Variants in HS6ST3 observed in about 807,000 individuals in gnomAD.
HS6ST3 encodes heparan sulfate 6-O-sulfotransferase 3.
HS6ST3 carries 12 observed loss-of-function variants against 36.7 expected under a neutral mutation model. The observed-to-expected ratio is 0.33, with a 90% CI of 0.21 to 0.53. The LOEUF (loss-of-function observed/expected upper bound fraction) is 0.53. Ranked by LOEUF, HS6ST3 falls within the 20% of genes least tolerant of loss-of-function variation. The pLI, the probability that HS6ST3 is intolerant of heterozygous loss-of-function variation, is 0.95. For synonymous variants in HS6ST3, 240 were observed against 257.5 expected, an observed-to-expected ratio of 0.93 and a Z score of 0.65; for missense variants, 584 against 640.9, an observed-to-expected ratio of 0.91 and a Z score of 0.96.
At chr13:96,208,271 C>T (rs73549134) in intron 1 of HS6ST3, among the ~76,000 whole-genome samples, 1 of 152,000 alleles carries the variant, frequency 6.6e-6, no homozygotes, top group Admixed American at 6.6e-5. Flanking sequence ...AAAAATTATT[C>T]TTTTAATGAT....
chr13:96,240,208 C>T (rs1201962106), intron 1 of HS6ST3, among the ~76,000 whole-genome samples: 1 of 152,084 alleles, frequency 6.6e-6, no homozygotes, highest in Non-Finnish European at 1.5e-5. Context: ...AGATAAGATC[C>T]TAGCAGTATA....
intron 1 of HS6ST3, among the ~76,000 whole-genome samples, chr13:96,596,957 A>G (rs2056403906): frequency 6.6e-6 from 1 of 152,164 alleles, no homozygotes; most frequent in Non-Finnish European, 1.5e-5. Flanking sequence ...GATAGCCTAG[A>G]TAAATAAAAT....
chr13:96,439,902 T>C (rs2055662160), intron 1 of HS6ST3, among the ~76,000 whole-genome samples: 1 of 152,214 alleles, frequency 6.6e-6, no homozygotes, highest in Non-Finnish European at 1.5e-5. Flanking sequence ...TAGTCACTGG[T>C]CAATTTTCTC....
At chr13:96,429,566 G>A (rs1216506550) in intron 1 of HS6ST3, among the ~76,000 whole-genome samples, 1 of 152,164 alleles carries the variant, frequency 6.6e-6, no homozygotes, top group Non-Finnish European at 1.5e-5. Context: ...CCCTGTATAA[G>A]TTCATTCCCT....
At chr13:96,594,407 C>A (rs1384749957) in intron 1 of HS6ST3, among the ~76,000 whole-genome samples, 2 of 151,992 alleles carry the variant, frequency 1.3e-5, no homozygotes, top group Non-Finnish European at 2.9e-5. Context: ...TTGCTGTCTT[C>A]CTTTGTGACT....
intron 1 of HS6ST3, among the ~76,000 whole-genome samples, chr13:96,464,508 A>T (rs1208291060): frequency 6.6e-6 from 1 of 152,196 alleles, no homozygotes; most frequent in African/African-American, 2.4e-5. Context: ...ATCCTAGAAA[A>T]ATACATAACT....
At chr13:96,142,033 C>CAA (rs3084964) in intron 1 of HS6ST3, among the ~76,000 whole-genome samples, 7 of 101,104 alleles carry the variant, frequency 6.9e-5, no homozygotes, top group East Asian at 2.9e-4. Flanking sequence ...GTGGTCATGG[C>CAA]AAAAAAAAAA....
At chr13:96,291,197 T>C (rs2054828087) in intron 1 of HS6ST3, among the ~76,000 whole-genome samples, 1 of 152,214 alleles carries the variant, frequency 6.6e-6, no homozygotes, top group African/African-American at 2.4e-5. Flanking sequence ...TGTGGCCCCA[T>C]CTCTGTGTCA....
At chr13:96,745,795 T>G (rs1054510441) in intron 1 of HS6ST3, among the ~76,000 whole-genome samples, 12 of 152,084 alleles carry the variant, frequency 7.9e-5, no homozygotes, top group African/African-American at 2.7e-4. Context: ...ATTCCAACAT[T>G]ACTCTTATAG....
At chr13:96,515,047 A>G (rs1050356693) in intron 1 of HS6ST3, among the ~76,000 whole-genome samples, 2 of 152,222 alleles carry the variant, frequency 1.3e-5, no homozygotes, top group African/African-American at 4.8e-5. Context: ...ATTGTCAAGA[A>G]TTTGATCTAT....
chr13:96,290,004 G>A lies in HS6ST3; in HGVS notation c.707+198435G>A, dbSNP rs576063804. ...ACCCTTCTCAAATGAGCTGCAAGGA[G>A]GACTTATCTTCCGAGAAGTCTATGG... On this transcript the variant is annotated intron_variant, in intron 1 of 1. Transcript: ENST00000376705. Among the ~76,000 whole-genome samples the A allele has an allele frequency of 2.0e-5, 3 of 152,264 alleles. No homozygotes were observed. The South Asian group carries it at 6.2e-4, about 32-fold the overall frequency.
chr13:96,488,234 CT>C, intron 1 of HS6ST3, among the ~76,000 whole-genome samples: 1 of 152,104 alleles, frequency 6.6e-6, no homozygotes, highest in South Asian at 2.1e-4. Flanking sequence ...GGCAATTTTG[CT>C]ATTTATATTT....
At chr13:96,576,217 T>C (rs1281737888) in intron 1 of HS6ST3, among the ~76,000 whole-genome samples, 1 of 152,076 alleles carries the variant, frequency 6.6e-6, no homozygotes, top group Non-Finnish European at 1.5e-5. Context: ...TGAGAGGACC[T>C]GGGATGTGCA....
chr13:96,262,896 T>G (rs528247187), intron 1 of HS6ST3, among the ~76,000 whole-genome samples: 1 of 152,324 alleles, frequency 6.6e-6, no homozygotes, highest in East Asian at 1.9e-4. Flanking sequence ...ACTGTGTTTC[T>G]TAACTTGTTT....
chr13:96,440,753 A>G (rs931645314), intron 1 of HS6ST3, among the ~76,000 whole-genome samples: 23 of 152,268 alleles, frequency 1.5e-4, no homozygotes, highest in African/African-American at 5.3e-4. Flanking sequence ...CAGTGGTTTG[A>G]CTTAAGGAAT....
rs142274960 is a variant in HS6ST3, at chr13:96,384,354, C to T, written c.707+292785C>T. Among the ~76,000 whole-genome samples the T allele has an allele frequency of 4.2e-4, 64 of 152,090 alleles. 1 individual carries two copies. The highest frequency in any genetic ancestry group is 1.5e-3 in the African/African-American group (62 of 41,504). ...AGTTCTGACCTTACTTGCGGCAAAT[C>T]TTATTTTGTTCCTCCTTCTGTTATA... On this transcript the variant is annotated intron_variant, in intron 1 of 1. Coordinates refer to ENST00000376705, the MANE Select transcript of HS6ST3 (RefSeq NM_153456.4).
chr13:96,186,143 G>A (rs2054264148), intron 1 of HS6ST3, among the ~76,000 whole-genome samples: 1 of 152,064 alleles, frequency 6.6e-6, no homozygotes, highest in Admixed American at 6.6e-5. Context: ...CTGAAAATGA[G>A]CAAGCTGGCT....
At chr13:96,256,264 G>C (rs944078083) in intron 1 of HS6ST3, among the ~76,000 whole-genome samples, 13 of 152,176 alleles carry the variant, frequency 8.5e-5, no homozygotes, top group Admixed American at 5.9e-4. Flanking sequence ...TGTATGAAAT[G>C]TGAGTACCTT....
chr13:96,344,111 T>C (rs2055142656), intron 1 of HS6ST3, among the ~76,000 whole-genome samples: 1 of 152,204 alleles, frequency 6.6e-6, no homozygotes, highest in Non-Finnish European at 1.5e-5. Context: ...TATACCTATA[T>C]GGTGTATATT....
Sources: gnomAD v4.1 joint callset for allele counts (sites outside exome capture counted in the v4.1 genomes callset) on GRCh38, gnomAD v4.1.1 for gene constraint, MANE v1.5 for transcripts, NCBI Gene and HGNC (gene_info 2026-07-23, HGNC 2026-07-21) for gene names.